AGBL4: variants seen among roughly 807,000 people sequenced by gnomAD.
AGBL4 encodes the protein AGBL carboxypeptidase 4, also known as cytosolic carboxypeptidase 6.
AGBL4 carries 58 observed loss-of-function variants against 66.4 expected under a neutral mutation model. The ratio of observed to expected loss-of-function variants is 0.87; its 90% CI spans 0.71 to 1.09. The LOEUF is 1.09. AGBL4 is among the 50% of genes least tolerant of loss of function. AGBL4 has a pLI of 0.00. For missense variants in AGBL4, 579 were observed against 631.0 expected (o/e 0.92, Z 0.88); for synonymous variants, 234 against 222.9 (o/e 1.05, Z -0.44).
chr1:48,581,851 G>T lies in AGBL4; in HGVS notation c.1267+5153C>A, dbSNP rs144818350. On this transcript the variant is annotated intron_variant, in intron 11 of 13. Coordinates refer to ENST00000371839, the MANE Select transcript of AGBL4 (RefSeq NM_032785.4). The stretch of plus-strand genomic sequence containing the variant: ...TCAGAGTGGTTAAATATGGGATTAG[G>T]GTCTCAGCGAGAATGACGCAAAAGA... Among the ~76,000 whole-genome samples the T allele has an allele frequency of 6.7e-3, 1,025 of 152,284 alleles. 10 individuals carry two copies. The highest frequency in any genetic ancestry group is 0.024 in the South Asian group (117 of 4,828).
rs577713073 is a variant in AGBL4 at position 49,723,023 on chromosome 1, C to T, written c.158-25586G>A. On this transcript the variant is annotated intron_variant, in intron 2 of 13. Coordinates refer to ENST00000371839, the MANE Select transcript of AGBL4 (RefSeq NM_032785.4). ...CGCCACCAACAGTTTATAAATTAAC[C>T]TAATACCATATGCTGGGCACATAAC... is the stretch of plus-strand genomic sequence containing the variant. Among the ~76,000 whole-genome samples the T allele has an allele frequency of 1.4e-4, 21 of 152,166 alleles. No individual in the cohort carries two copies. The South Asian group carries it at 4.4e-3, about 32-fold the overall frequency.
At chr1:49,804,971 ACT>A (rs1405235875) in intron 2 of AGBL4, among the ~76,000 whole-genome samples, 1 of 152,126 alleles carries the variant, frequency 6.6e-6, no homozygotes. Context: ...CTGACATATG[ACT>A]CTAAAGCACA....
rs375660753 is a variant in AGBL4 at position 49,449,718 on chromosome 1, AAT to A, written c.283-203856_283-203855del. On this transcript the variant is annotated intron_variant, in intron 3 of 13. Coordinates refer to ENST00000371839, the MANE Select transcript of AGBL4 (RefSeq NM_032785.4). Reference sequence around the variant, plus strand: ...GTGGTTTTTCTTGGAAAAACCAACCAATTTTTTTAAATTTCTGGATACATTTC... The same window carrying A: ...GTGGTTTTTCTTGGAAAAACCAACCATTTTTTAAATTTCTGGATACATTTC... Among the ~76,000 whole-genome samples, 76 of 152,096 alleles carry A rather than the reference AAT, an allele frequency of 5.0e-4. 2 individuals carry two copies. The South Asian group carries it at 0.014, about 29-fold the overall frequency.
chr1:49,102,601 G>C (rs542022935), intron 4 of AGBL4, among the ~76,000 whole-genome samples: 15 of 152,258 alleles, frequency 9.9e-5, no homozygotes, highest in African/African-American at 3.4e-4. Context: ...TATCTCTAAT[G>C]TGAGTATAGT....
Position 49,511,992 on chromosome 1 carries a change from G to A in AGBL4, c.282+185321C>T, listed in dbSNP as rs184092482. Among the ~76,000 whole-genome samples, 209 of 152,104 alleles carry A rather than the reference G, an allele frequency of 1.4e-3. 1 individual carries two copies. Among genetic ancestry groups the A allele is most frequent in the African/African-American group, 4.8e-3 (199 of 41,558 alleles). On this transcript the variant is annotated intron_variant, in intron 3 of 13. Coordinates refer to ENST00000371839, the MANE Select transcript of AGBL4 (RefSeq NM_032785.4). ...TTGCCCTCTGCATGGATCATCATGA[G>A]AATTAAATGAGATATAGGATATGTA...
intron 2 of AGBL4, among the ~76,000 whole-genome samples, chr1:49,778,753 A>G (rs1450495549): frequency 1.3e-5 from 2 of 152,216 alleles, no homozygotes; most frequent in Non-Finnish European, 2.9e-5. Context: ...TGGGAGCTAA[A>G]CAATGGGTGC....
rs893681679 is a variant in AGBL4 at position 48,677,625 on chromosome 1, A to G, written c.635-14384T>C. ...AGCTGTGCCACTGGCCCCAGTCCACATGATGAGCAGCTGCGACGTCAGTCT... is the reference window on the plus strand; with the variant it reads ...AGCTGTGCCACTGGCCCCAGTCCACGTGATGAGCAGCTGCGACGTCAGTCT... On this transcript the variant is annotated intron_variant, in intron 6 of 13. Coordinates refer to ENST00000371839, the MANE Select transcript of AGBL4 (RefSeq NM_032785.4). Among the ~76,000 whole-genome samples, 3 of 152,262 alleles carry G rather than the reference A, an allele frequency of 2.0e-5. No individual in the cohort carries two copies. The East Asian group carries it at 5.8e-4, about 29-fold the overall frequency.
intron 3 of AGBL4, among the ~76,000 whole-genome samples, chr1:49,355,058 C>G (rs1263120583): frequency 6.6e-6 from 1 of 152,060 alleles, no homozygotes; most frequent in African/African-American, 2.4e-5. Context: ...TCAGAATACC[C>G]AGAGAAAAAC....
intron 4 of AGBL4, among the ~76,000 whole-genome samples, chr1:49,055,623 C>T (rs1644294527): frequency 6.6e-6 from 1 of 151,936 alleles, no homozygotes; most frequent in Admixed American, 6.6e-5. Flanking sequence ...AAATATTCTT[C>T]ATAAAAATAC....
At chr1:49,398,278 A>G (rs763759844) in intron 3 of AGBL4, among the ~76,000 whole-genome samples, 2 of 150,886 alleles carry the variant, frequency 1.3e-5, no homozygotes, top group African/African-American at 2.4e-5. Flanking sequence ...TAAGGACCCA[A>G]ACAGAACAAA....
intron 3 of AGBL4, among the ~76,000 whole-genome samples, chr1:49,485,908 G>A (rs1270648079): frequency 6.6e-6 from 1 of 151,942 alleles, no homozygotes; most frequent in Non-Finnish European, 1.5e-5. Flanking sequence ...ATATTTGCTA[G>A]CATAACAGGG....
Position 49,257,659 on chromosome 1 carries a change from C to T in AGBL4, c.283-11795G>A, listed in dbSNP as rs182640511. On this transcript the variant is annotated intron_variant, in intron 3 of 13. Coordinates refer to ENST00000371839, the MANE Select transcript of AGBL4 (RefSeq NM_032785.4). ...GCCTCGCGCTGCTTTGGCTCATGCA[C>T]GGTGCGCTGCACCCACTGTCCTGCG... is the stretch of plus-strand genomic sequence containing the variant. 3.7e-4 allele frequency among the ~76,000 whole-genome samples: 57 copies of T among 152,360 alleles called. 1 individual carries two copies. The highest frequency in any genetic ancestry group is 1.2e-3 in the African/African-American group (48 of 41,594).
chr1:49,695,413 G>A (rs190729035), intron 3 of AGBL4, among the ~76,000 whole-genome samples: 12 of 152,218 alleles, frequency 7.9e-5, no homozygotes, highest in Middle Eastern at 3.4e-3. Context: ...GCCGCCTATC[G>A]TGGATTATAT....
intron 3 of AGBL4, among the ~76,000 whole-genome samples, chr1:49,435,189 T>C (rs1287966973): frequency 6.6e-6 from 1 of 152,350 alleles, no homozygotes; most frequent in African/African-American, 2.4e-5. Flanking sequence ...GTCTTTTCAA[T>C]ATGCTCCATG....
chr1:49,105,452 C>T (rs958006368), intron 4 of AGBL4, among the ~76,000 whole-genome samples: 5 of 152,072 alleles, frequency 3.3e-5, no homozygotes, highest in South Asian at 2.1e-4. Flanking sequence ...GAAGAGACAG[C>T]GTACCTAACA....
chr1:49,141,986 A>G (rs1646126715), intron 4 of AGBL4, among the ~76,000 whole-genome samples: 1 of 152,104 alleles, frequency 6.6e-6, no homozygotes, highest in Non-Finnish European at 1.5e-5. Context: ...TGAGCCACAC[A>G]GCACGAGGTG....
At chr1:48,980,394 AATAG>A (rs1008218992) in intron 5 of AGBL4, among the ~76,000 whole-genome samples, 15 of 152,162 alleles carry the variant, frequency 9.9e-5, no homozygotes, top group Admixed American at 6.6e-5. Flanking sequence ...ATTGTCACAA[AATAG>A]ATAGCCAGAT....
intron 3 of AGBL4, among the ~76,000 whole-genome samples, chr1:49,556,712 T>G (rs1446468009): frequency 6.6e-6 from 1 of 151,926 alleles, no homozygotes; most frequent in African/African-American, 2.4e-5. Flanking sequence ...GTGCCGGCAC[T>G]CTTCAGCCCT....
At position 49,964,916 on chromosome 1, in the gene AGBL4, C is replaced by G. The variant is rs527416203; in HGVS notation, c.34+58847G>C. Among the ~76,000 whole-genome samples, 4 of 152,128 alleles carry G rather than the reference C, an allele frequency of 2.6e-5. No individual in the cohort carries two copies. In the East Asian group the frequency reaches 7.7e-4, roughly 29 times the overall value. ...TATAATTTAAAGTGAAAAGCCTGAA[C>G]AGCTGAATGTGAATATAAAACATAT... is the stretch of plus-strand genomic sequence containing the variant. On this transcript the variant is annotated intron_variant, in intron 1 of 13. Transcript: ENST00000371839.
Sources: gnomAD v4.1 joint callset for allele counts (sites outside exome capture counted in the v4.1 genomes callset) on GRCh38, gnomAD v4.1.1 for gene constraint, MANE v1.5 for transcripts, NCBI Gene and HGNC (gene_info 2026-07-23, HGNC 2026-07-21) for gene names.